C9orf72: variants seen among roughly 807,000 people sequenced by gnomAD.
The protein encoded by C9orf72 is guanine nucleotide exchange factor C9orf72.
Under a neutral mutation model 51.6 loss-of-function variants are expected in C9orf72, and 44 were observed. That is an observed-to-expected ratio of 0.85 (90% CI 0.67 to 1.10). The LOEUF (loss-of-function observed/expected upper bound fraction) is 1.10, where lower values mean the gene tolerates loss of function less well. Ranked by LOEUF, C9orf72 falls within the 50% of genes least tolerant of loss-of-function variation. The pLI is 0.00. For missense variants in C9orf72, 607 were observed against 570.6 expected (o/e 1.06, Z -0.65); for synonymous variants, 213 against 194.2 (o/e 1.10, Z -0.81).
At chr9:27,559,600 G>A (rs1819292154) in intron 6 of C9orf72, 1 of 152,026 alleles carries the variant, frequency 6.6e-6, no homozygotes, top group Non-Finnish European at 1.5e-5. Flanking sequence ...TAGGTTTGCT[G>A]AAATTGAAAG....
intron 1 of C9orf72, among the ~76,000 whole-genome samples, chr9:27,568,261 T>C (rs1205924055): frequency 1.3e-5 from 2 of 152,106 alleles, no homozygotes; most frequent in Non-Finnish European, 2.9e-5. Context: ...ATATTTAATA[T>C]GCTAGCCAAG....
intron 3 of C9orf72, among the ~76,000 whole-genome samples, chr9:27,564,185 C>T (rs996204264): frequency 7.3e-5 from 10 of 136,136 alleles, no homozygotes; most frequent in Non-Finnish European, 1.4e-4. Context: ...AAAAATCCTA[C>T]AGGGCTAAAT....
rs1188489851 is a variant in C9orf72 at position 27,556,713 on chromosome 9, A to G, written c.939T>C (p.Asn313=). Reference sequence around the variant, plus strand: ...GACAGGGTGGCATCTGCTTCACAGTATTGACATCCACATCTATGTGTGTGG... The same window carrying G: ...GACAGGGTGGCATCTGCTTCACAGTGTTGACATCCACATCTATGTGTGTGG... ...YPTTHIDVDV[N]TVKQMPPCHE... Residue 313 remains asparagine, a synonymous_variant, in exon 8 of 11, where the codon AAT becomes AAC. Coordinates refer to ENST00000380003, the MANE Select transcript of C9orf72 (RefSeq NM_018325.5). 1 of 1,614,016 alleles carries G rather than the reference A, an allele frequency of 6.2e-7. No homozygotes were observed. Among genetic ancestry groups the G allele is most frequent in the Admixed American group, 1.7e-5 (1 of 60,006 alleles).
Position 27,573,415 on chromosome 9 carries a change from C to G in C9orf72, c.-45+16G>C, listed in dbSNP as rs1428259080. ...CCCCAAACAGCCACCCGCCAGGATGCCGCCTCCTCACTCACCCACTCGCCA... is the reference window on the plus strand; with the variant it reads ...CCCCAAACAGCCACCCGCCAGGATGGCGCCTCCTCACTCACCCACTCGCCA... On this transcript the variant is annotated intron_variant, in intron 1 of 10. Coordinates refer to ENST00000380003, the MANE Select transcript of C9orf72 (RefSeq NM_018325.5). 1 of 152,076 alleles carries G rather than the reference C, an allele frequency of 6.6e-6. No individual in the cohort carries two copies. Among genetic ancestry groups the G allele is most frequent in the African/African-American group, 2.4e-5 (1 of 41,264 alleles). The allele number at this position is 152,076 out of a possible 1,614,324, so 9.4% of individuals were successfully genotyped here.
intron 9 of C9orf72, 146 bp from the exon 10 acceptor site, chr9:27,548,812 G>C (rs1820839422): frequency 1.8e-6 from 1 of 560,804 alleles, no homozygotes; most frequent in Non-Finnish European, 3.2e-6. Flanking sequence ...TAACAGGAGT[G>C]TGGTATAGAA....
intron 1 of C9orf72, among the ~76,000 whole-genome samples, chr9:27,568,086 C>CAAAAAAA (rs11418499): frequency 1.6e-3 from 126 of 80,404 alleles, no homozygotes; most frequent in East Asian, 6.4e-3. Flanking sequence ...GCTAAAAGGT[C>CAAAAAAA]AAAAAAAAAA....
At chr9:27,560,453 T>C (rs984091587) in intron 5 of C9orf72, 154 bp from the exon 6 acceptor site, 2 of 635,650 alleles carry the variant, frequency 3.1e-6, no homozygotes, top group Middle Eastern at 4.8e-4. Flanking sequence ...TTTATTTGTA[T>C]AGGAACCTAC....
intron 8 of C9orf72, among the ~76,000 whole-genome samples, chr9:27,553,477 A>G (rs182274770): frequency 7.9e-5 from 12 of 152,364 alleles, no homozygotes; most frequent in Admixed American, 7.2e-4. Flanking sequence ...CTCCGTATTC[A>G]ATAAATGGTG....
Position 27,565,848 on chromosome 9 carries a change from G to A in C9orf72, c.445-258C>T, listed in dbSNP as rs953155944. ...ACAGAAAACAGTCAATGTAACATCT[G>A]CATAGTTTCAAAAAGGAAAAGAATG... On this transcript the variant is annotated intron_variant, in intron 2 of 10. Coordinates refer to ENST00000380003, the MANE Select transcript of C9orf72 (RefSeq NM_018325.5). Among the ~76,000 whole-genome samples the A allele has an allele frequency of 2.0e-5, 3 of 152,146 alleles. No individual in the cohort carries two copies. In the East Asian group the frequency reaches 5.8e-4, roughly 29 times the overall value.
At chr9:27,569,236 A>G (rs1819535246) in intron 1 of C9orf72, among the ~76,000 whole-genome samples, 1 of 152,242 alleles carries the variant, frequency 6.6e-6, no homozygotes, top group South Asian at 2.1e-4. Context: ...TTAAAAAGTT[A>G]TAATTTTTTA....
intron 4 of C9orf72, among the ~76,000 whole-genome samples, chr9:27,562,095 T>C (rs537911773): frequency 1.6e-4 from 24 of 152,320 alleles, no homozygotes; most frequent in African/African-American, 5.8e-4. Flanking sequence ...ACATTAAATA[T>C]TAATTGCTCC....
chr9:27,573,833 C>T (rs1215188675), upstream of C9orf72: 4 of 152,348 alleles, frequency 2.6e-5, no homozygotes, highest in East Asian at 1.9e-4. Context: ...GTTTGACGCA[C>T]CTCTCTTTCC....
intron 8 of C9orf72, 147 bp from the exon 9 acceptor site, chr9:27,550,854 G>T: frequency 2.0e-6 from 1 of 497,502 alleles, no homozygotes; most frequent in East Asian, 3.3e-5. Flanking sequence ...TAAGAATATA[G>T]ATATATATAT....
rs202010123 is a variant in C9orf72 at position 27,566,646 on chromosome 9, A to C, written c.444+31T>G. 964 of 1,471,266 alleles carry C rather than the reference A, an allele frequency of 6.6e-4. No individual in the cohort carries two copies. Among genetic ancestry groups the C allele is most frequent in the Middle Eastern group, 9.6e-4 (5 of 5,184 alleles). The allele number at this position is 1,471,266 out of a possible 1,614,324, so 91.1% of individuals were successfully genotyped here. A position where few individuals can be genotyped will look rare whatever the true frequency, so the allele number is the denominator to read the frequency against. On this transcript the variant is annotated intron_variant, in intron 2 of 10. Coordinates refer to ENST00000380003, the MANE Select transcript of C9orf72 (RefSeq NM_018325.5). ...AAAATAAGCTTTCAACAGATAGGTT[A>C]ACATGATTAATAAGCTGAAAAATCA...
At chr9:27,560,366 A>G in intron 5 of C9orf72, 67 bp from the exon 6 acceptor site, 2 of 1,215,798 alleles carry the variant, frequency 1.6e-6, no homozygotes, top group Admixed American at 2.4e-5. Flanking sequence ...AAAAACAAAA[A>G]AAAGTAGGTG....
At chr9:27,568,825 C>T (rs938142123) in intron 1 of C9orf72, among the ~76,000 whole-genome samples, 3 of 151,986 alleles carry the variant, frequency 2.0e-5, no homozygotes, top group South Asian at 2.1e-4. Context: ...TTTTAGAGTG[C>T]ACTCCTTCTA....
intron 1 of C9orf72, among the ~76,000 whole-genome samples, chr9:27,572,915 C>T (rs558989307): frequency 1.8e-4 from 28 of 152,204 alleles, no homozygotes; most frequent in Non-Finnish European, 1.9e-4. Context: ...CATCACCACT[C>T]TCTAGAAGCT....
At position 27,548,075 on chromosome 9, in the gene C9orf72, T is replaced by A; in HGVS notation, c.*161A>T. 2.2e-6 allele frequency: 1 copy of A among 459,426 alleles called. No homozygotes were observed. Among genetic ancestry groups the A allele is most frequent in the South Asian group, 5.7e-5 (1 of 17,660 alleles). The allele number at this position is 459,426 out of a possible 1,614,324, so 28.5% of individuals were successfully genotyped here. On this transcript the variant is annotated 3_prime_UTR_variant, in exon 11 of 11. Coordinates refer to ENST00000380003, the MANE Select transcript of C9orf72 (RefSeq NM_018325.5). ...ACCCAATGTAATGATGCACCTGACA[T>A]CCCCTCACAGGCTCTTGTGAGAACT...
chr9:27,555,449 T>A (rs967944666), intron 8 of C9orf72, among the ~76,000 whole-genome samples: 1 of 152,176 alleles, frequency 6.6e-6, no homozygotes, highest in African/African-American at 2.4e-5. Flanking sequence ...TGTAGATACA[T>A]AGGTCAGGCT....
Sources: gnomAD v4.1 joint callset for allele counts (sites outside exome capture counted in the v4.1 genomes callset) on GRCh38, gnomAD v4.1.1 for gene constraint, MANE v1.5 for transcripts, NCBI Gene and HGNC (gene_info 2026-07-23, HGNC 2026-07-21) for gene names.